PRRG1: variants seen among roughly 807,000 people sequenced by gnomAD.
PRRG1 encodes the protein proline rich and Gla domain 1.
Under a neutral mutation model 11.8 loss-of-function variants are expected in PRRG1, and 5 were observed. That is an observed-to-expected ratio of 0.42 (90% CI 0.22 to 0.89). PRRG1 has a LOEUF of 0.89. Among genes scored for constraint, PRRG1 ranks in the 40% least tolerant of loss-of-function variants. The pLI, the probability that PRRG1 is intolerant of heterozygous loss-of-function variation, is 0.28. For missense variants in PRRG1, 155 were observed against 166.1 expected (o/e 0.93, Z 0.37); for synonymous variants, 66 against 60.4 (o/e 1.09, Z -0.43).
Position 37,379,010 on chromosome X carries a change from T to C in PRRG1, c.-41-27199T>C, listed in dbSNP as rs1433574167. Among the ~76,000 whole-genome samples, 3 of 105,392 alleles carry C rather than the reference T, an allele frequency of 2.8e-5. No individual in the cohort carries two copies. In the East Asian group the frequency reaches 8.8e-4, roughly 31 times the overall value. 91.5% of individuals were successfully genotyped at this position (105,392 alleles called of 115,157 possible). On this transcript the variant is annotated intron_variant, in intron 1 of 3. Coordinates refer to ENST00000378628, the MANE Select transcript of PRRG1 (RefSeq NM_001142395.2). ...TTTTGTTGGAAGAATGGGAAGTATA[T>C]TGAATTGCGACATCTTTTTGCTTTT... is the stretch of plus-strand genomic sequence containing the variant.
At position 37,441,389 on chromosome X, in the gene PRRG1, G is replaced by T. The variant is rs781940990; in HGVS notation, c.172-11747G>T. The T allele has an allele frequency of 2.1e-4, 160 of 753,026 alleles. No homozygotes were observed. In the African/African-American group the frequency reaches 3.5e-3, roughly 17 times the overall value. The allele number at this position is 753,026 out of a possible 1,213,427, so 62.1% of individuals were successfully genotyped here. On this transcript the variant is annotated intron_variant, in intron 3 of 3. Transcript: ENST00000378628. ...CCTCCCTGCCCACTTCCACTGAAAA[G>T]GAATGCATCCCTCCCCAGATAATGG...
intron 3 of PRRG1, among the ~76,000 whole-genome samples, chrX:37,436,769 C>A (rs1474482211): frequency 2.7e-5 from 3 of 112,306 alleles, no homozygotes; most frequent in African/African-American, 9.7e-5. Context: ...GAAGTCCAGT[C>A]TGGGCAAGAA....
intron 1 of PRRG1, among the ~76,000 whole-genome samples, chrX:37,361,199 G>A (rs113991353): frequency 0.019 from 2,117 of 110,897 alleles, 45 homozygotes; most frequent in African/African-American, 0.06. Flanking sequence ...AAAATTAGCC[G>A]GGCATGGTGG....
chrX:37,422,726 C>T (rs781888955), intron 2 of PRRG1, among the ~76,000 whole-genome samples: 59 of 111,685 alleles, frequency 5.3e-4, no homozygotes, highest in African/African-American at 1.8e-3. Flanking sequence ...CAACAGACTG[C>T]ATATACAATG....
At chrX:37,388,602 G>A (rs782777174) in intron 1 of PRRG1, among the ~76,000 whole-genome samples, 23 of 113,300 alleles carry the variant, frequency 2.0e-4, no homozygotes, top group African/African-American at 7.4e-4. Flanking sequence ...GAGCAACTGC[G>A]ATGTCGGGAG....
chrX:37,413,462 T>C (rs1438149882), intron 2 of PRRG1, among the ~76,000 whole-genome samples: 2 of 111,628 alleles, frequency 1.8e-5, no homozygotes, highest in Non-Finnish European at 3.8e-5. Flanking sequence ...TGTCTTTCCA[T>C]GATTTGATGC....
At chrX:37,366,378 C>G (rs1930570474) in intron 1 of PRRG1, among the ~76,000 whole-genome samples, 1 of 112,101 alleles carries the variant, frequency 8.9e-6, no homozygotes, top group South Asian at 3.7e-4. Flanking sequence ...TGGGATAAGC[C>G]TATGAATTTT....
At chrX:37,397,883 T>C (rs1931771536) in intron 1 of PRRG1, among the ~76,000 whole-genome samples, 1 of 109,886 alleles carries the variant, frequency 9.1e-6, no homozygotes, top group South Asian at 3.9e-4. Flanking sequence ...TTAAGTGTAT[T>C]GTCATTATTT....
chrX:37,450,829 C>T (rs782324366), intron 3 of PRRG1, among the ~76,000 whole-genome samples: 1 of 111,658 alleles, frequency 9.0e-6, no homozygotes, highest in African/African-American at 3.3e-5. Flanking sequence ...GGTTTGATTC[C>T]AAATTTGTAA....
At chrX:37,392,910 G>A (rs1238620953) in intron 1 of PRRG1, among the ~76,000 whole-genome samples, 1 of 111,494 alleles carries the variant, frequency 9.0e-6, no homozygotes, top group South Asian at 3.7e-4. Flanking sequence ...GAGGGCAGGG[G>A]TTTGTGTCTG....
intron 1 of PRRG1, among the ~76,000 whole-genome samples, chrX:37,400,471 G>A (rs1247086999): frequency 1.8e-5 from 2 of 110,826 alleles, no homozygotes; most frequent in Admixed American, 9.6e-5. Context: ...TCTCTGGGAT[G>A]CATTCAAAGC....
intron 1 of PRRG1, among the ~76,000 whole-genome samples, chrX:37,383,216 A>G (rs985466703): frequency 2.7e-5 from 3 of 112,039 alleles, no homozygotes; most frequent in Non-Finnish European, 5.7e-5. Flanking sequence ...TCATGCTTTT[A>G]TGAGATGTAA....
intron 1 of PRRG1, among the ~76,000 whole-genome samples, chrX:37,399,272 C>T (rs1931856340): frequency 8.9e-6 from 1 of 111,995 alleles, no homozygotes; most frequent in South Asian, 3.7e-4. Context: ...ATCAGACTAA[C>T]AGCTGATCTC....
chrX:37,376,656 C>CA (rs1930970946), intron 1 of PRRG1, among the ~76,000 whole-genome samples: 1 of 96,671 alleles, frequency 1.0e-5, no homozygotes, highest in African/African-American at 3.7e-5. Context: ...TCCTTGCGGG[C>CA]AAAAAATCTC....
intron 1 of PRRG1, among the ~76,000 whole-genome samples, chrX:37,385,199 A>G (rs1017875413): frequency 7.1e-5 from 8 of 112,165 alleles, no homozygotes; most frequent in African/African-American, 2.6e-4. Context: ...TGAATCTTAC[A>G]AACATGATGT....
chrX:37,398,331 G>A (rs1309854675), intron 1 of PRRG1, among the ~76,000 whole-genome samples: 5 of 111,938 alleles, frequency 4.5e-5, no homozygotes, highest in African/African-American at 9.7e-5. Flanking sequence ...ACGAGAATCC[G>A]CTGTTCTGCA....
intron 1 of PRRG1, among the ~76,000 whole-genome samples, chrX:37,400,328 A>T (rs1212019664): frequency 1.3e-3 from 150 of 111,827 alleles, no homozygotes; most frequent in African/African-American, 4.5e-3. Context: ...ATTAAGAAAC[A>T]CACTCAAAAC....
chrX:37,400,990 C>G (rs1931951503), intron 1 of PRRG1, among the ~76,000 whole-genome samples: 1 of 110,689 alleles, frequency 9.0e-6, no homozygotes, highest in African/African-American at 3.3e-5. Context: ...TGGCAATAAT[C>G]AATAGCTTAC....
intron 1 of PRRG1, among the ~76,000 whole-genome samples, chrX:37,386,029 T>C (rs1312057567): frequency 8.9e-6 from 1 of 112,014 alleles, no homozygotes; most frequent in African/African-American, 3.2e-5. Context: ...CCCAAAGTGC[T>C]GGGATTACAG....
Sources: gnomAD v4.1 joint callset for allele counts (sites outside exome capture counted in the v4.1 genomes callset) on GRCh38, gnomAD v4.1.1 for gene constraint, MANE v1.5 for transcripts, NCBI Gene and HGNC (gene_info 2026-07-23, HGNC 2026-07-21) for gene names.